The following SNX20 variants were observed in gnomAD, a reference collection of about 807,000 sequenced individuals.
SNX20 encodes the protein sorting nexin-20.
Under a neutral mutation model 24.5 loss-of-function variants are expected in SNX20, and 21 were observed. The observed-to-expected ratio is 0.86, with a 90% CI of 0.61 to 1.23. The LOEUF is 1.23. Ranked by LOEUF, SNX20 falls within the 50% of genes most tolerant of loss-of-function variation. SNX20 has a pLI of 0.00. For synonymous variants in SNX20, 206 were observed against 192.8 expected (o/e 1.07, Z -0.57); for missense variants, 433 against 430.8 (o/e 1.00, Z -0.04).
chr16:50,667,786 G>T (rs1237270133), downstream of SNX20: 1 of 590,504 alleles, frequency 1.7e-6, no homozygotes. Context: ...ATGCTGAGGG[G>T]CCACAGTCTG....
downstream of SNX20, chr16:50,669,137 TG>T: frequency 1.5e-6 from 2 of 1,340,922 alleles, no homozygotes; most frequent in Non-Finnish European, 2.1e-6. Flanking sequence ...CTCCAGGCCT[TG>T]ATTTCCCCAT....
chr16:50,669,354 A>T (rs1962988977), downstream of SNX20: 5 of 545,006 alleles, frequency 9.2e-6, no homozygotes, highest in East Asian at 6.1e-5. Context: ...GGGAAGGGGG[A>T]GTTCGTGACT....
intron 1 of SNX20, among the ~76,000 whole-genome samples, chr16:50,679,110 G>A (rs1963243285): frequency 6.6e-6 from 1 of 152,294 alleles, no homozygotes; most frequent in South Asian, 2.1e-4. Flanking sequence ...CAAGGAAGGT[G>A]CAAATGACCT....
At chr16:50,669,271 G>A (rs1312839254), downstream of SNX20, 1 of 644,992 alleles carries the variant, frequency 1.6e-6, no homozygotes, top group African/African-American at 1.8e-5. Flanking sequence ...TCACAGTTGT[G>A]CAGGTTGTAC....
downstream of SNX20, chr16:50,668,022 G>A: frequency 6.4e-7 from 1 of 1,551,734 alleles, no homozygotes; most frequent in Non-Finnish European, 8.7e-7. Flanking sequence ...ATATCAGGGT[G>A]TGGCGTCAGG....
Position 50,673,382 on chromosome 16 carries a change from G to T in SNX20, c.*24C>A. ...GCCATGGTGACCCCAAATCTCCAGC[G>T]TCCCTGCGGGGTCCCAGGCCGGCTC... On this transcript the variant is annotated 3_prime_UTR_variant, in exon 4 of 4. Transcript: ENST00000330943. This position sits in a 1 kb window ranked among gnomAD's most constrained non-coding sequence, Gnocchi z 4.1. 1 of 1,456,422 alleles carries T rather than the reference G, an allele frequency of 6.9e-7. No individual in the cohort carries two copies. The highest frequency in any genetic ancestry group is 9.1e-7 in the Non-Finnish European group (1 of 1,099,314). The allele number at this position is 1,456,422 out of a possible 1,614,324, so 90.2% of individuals were successfully genotyped here. A position where few individuals can be genotyped will look rare whatever the true frequency, so the allele number is the denominator to read the frequency against.
chr16:50,673,943 C>CACGTCTTCGATCTCCTCCCTGA lies in SNX20; in HGVS notation c.392_413dup (p.Glu139GlnfsTer20), dbSNP rs1963121734. 3 of 1,613,186 alleles carry CACGTCTTCGATCTCCTCCCTGA rather than the reference C, an allele frequency of 1.9e-6. No homozygotes were observed. Among genetic ancestry groups the CACGTCTTCGATCTCCTCCCTGA allele is most frequent in the Non-Finnish European group, 2.5e-6 (3 of 1,179,754 alleles). On this transcript the variant is annotated frameshift_variant, in exon 4 of 4. Coordinates refer to ENST00000330943, the MANE Select transcript of SNX20 (RefSeq NM_182854.4). LOFTEE classifies it high-confidence loss of function. The surrounding 1 kb of genome is among the most constrained non-coding windows in gnomAD (Gnocchi z 4.1). ...CAGTCAGGTGCTTCCTGGGAAACTC[C>CACGTCTTCGATCTCCTCCCTGA]ACGTCTTCGATCTCCTCCCTGAACG...
downstream of SNX20, chr16:50,667,698 G>A (rs1358418661): frequency 3.1e-5 from 12 of 386,958 alleles, no homozygotes; most frequent in East Asian, 4.8e-4. Context: ...CTACCAGCAG[G>A]TGGAACTAGT....
At position 50,673,768 on chromosome 16, in the gene SNX20, G is replaced by T. The variant is rs781674959; in HGVS notation, c.589C>A (p.Arg197=). The T allele has an allele frequency of 1.1e-5, 17 of 1,531,352 alleles. No homozygotes were observed. The highest frequency in any genetic ancestry group is 1.4e-5 in the Non-Finnish European group (16 of 1,146,354). 94.9% of individuals were successfully genotyped at this position (1,531,352 alleles called of 1,614,324 possible). Reference sequence around the variant, plus strand: ...AGGGCGCGCGGGTACTGGCCGGCCCGCAGGCAGCCGAAAGCCTCGCGCAGC... The same window carrying T: ...AGGGCGCGCGGGTACTGGCCGGCCCTCAGGCAGCCGAAAGCCTCGCGCAGC... ...PELREAFGCL[R]AGQYPRALEL... is the part of the protein sequence containing the mutation. The change falls in exon 4 of 4, where the codon CGG becomes AGG. Residue 197 remains arginine (R), a synonymous_variant. Transcript: ENST00000330943. This position sits in a 1 kb window ranked among gnomAD's most constrained non-coding sequence, Gnocchi z 4.1.
In SNX20 at chr16:50,671,860, A is replaced by G. The variant is rs373112538; in HGVS notation, c.*1546T>C. The G allele has an allele frequency of 3.3e-5, 5 of 152,310 alleles. No homozygotes were observed. The highest frequency in any genetic ancestry group is 9.6e-5 in the African/African-American group (4 of 41,564). 9.4% of individuals were successfully genotyped at this position (152,310 alleles called of 1,614,324 possible). ...TTTTACCACAAGGTGTCGCTGTTGA[A>G]CAGATTCTGGTGCAGTCTAGTGCAT... On this transcript the variant is annotated 3_prime_UTR_variant, in exon 4 of 4. Transcript: ENST00000330943.
rs1023503202 is a variant in SNX20, at chr16:50,672,219, T to C, written c.*1187A>G. The C allele has an allele frequency of 1.3e-5, 2 of 152,240 alleles. No individual in the cohort carries two copies. Among genetic ancestry groups the C allele is most frequent in the African/African-American group, 2.4e-5 (1 of 41,444 alleles). The allele number at this position is 152,240 out of a possible 1,614,324, so 9.4% of individuals were successfully genotyped here. ...TCACAGACCCTCAAAAGGGGCAGTG[T>C]TGAGGATTCAGTCTGTTTTCTGCCC... On this transcript the variant is annotated 3_prime_UTR_variant, in exon 4 of 4. Transcript: ENST00000330943.
chr16:50,674,045 C>G lies in SNX20; in HGVS notation c.312G>C (p.Gly104=), dbSNP rs766727766. 6 of 1,607,014 alleles carry G rather than the reference C, an allele frequency of 3.7e-6. No homozygotes were observed. Among genetic ancestry groups the G allele is most frequent in the Middle Eastern group, 1.6e-4 (1 of 6,068 alleles). ...GGACGGCCTTGTTGTTGTCAAAGCT[C>G]CCAGTCTGGATGACGATGATTTGGT... ...VVYQIIVIQT[G]SFDNNKAVLE... Residue 104 remains glycine, a synonymous_variant, in exon 4 of 4, where the codon GGG becomes GGC. Transcript: ENST00000330943.
intron 1 of SNX20, among the ~76,000 whole-genome samples, chr16:50,678,573 A>G (rs1444509745): frequency 6.6e-6 from 1 of 152,228 alleles, no homozygotes; most frequent in Non-Finnish European, 1.5e-5. Context: ...CTTTTATGAT[A>G]AGGGAACTGA....
At position 50,672,427 on chromosome 16, in the gene SNX20, T is replaced by C. The variant is rs1338868213; in HGVS notation, c.*979A>G. 3 of 152,052 alleles carry C rather than the reference T, an allele frequency of 2.0e-5. No individual in the cohort carries two copies. Among genetic ancestry groups the C allele is most frequent in the Non-Finnish European group, 4.4e-5 (3 of 68,056 alleles). 9.4% of individuals were successfully genotyped at this position (152,052 alleles called of 1,614,324 possible). Reference sequence around the variant, plus strand: ...GCCAAAAATGCCTGGTATCACAGAATCTTATGCCATTATTGCTTTCTGGTC... The same window carrying C: ...GCCAAAAATGCCTGGTATCACAGAACCTTATGCCATTATTGCTTTCTGGTC... On this transcript the variant is annotated 3_prime_UTR_variant, in exon 4 of 4. Coordinates refer to ENST00000330943, the MANE Select transcript of SNX20 (RefSeq NM_182854.4).
At chr16:50,667,804 C>A, downstream of SNX20, 1 of 611,810 alleles carries the variant, frequency 1.6e-6, no homozygotes, top group Non-Finnish European at 2.9e-6. Context: ...CTGCCCTGAA[C>A]TGTGCCTCCC....
At position 50,681,262 on chromosome 16, in the gene SNX20, C is replaced by G. The variant is rs1328024100; in HGVS notation, c.-82G>C. On this transcript the variant is annotated 5_prime_UTR_variant, in exon 1 of 4. Coordinates refer to ENST00000330943, the MANE Select transcript of SNX20 (RefSeq NM_182854.4). ...ATATGGCCCCTTCGAGCTCTTGGTT[C>G]TCAGCTCCGGCGACAAGCCGAGGGG... 2.0e-5 allele frequency: 3 copies of G among 152,424 alleles called. No individual in the cohort carries two copies. Among genetic ancestry groups the G allele is most frequent in the African/African-American group, 7.2e-5 (3 of 41,440 alleles). The allele number at this position is 152,424 out of a possible 1,614,324, so 9.4% of individuals were successfully genotyped here. A position where few individuals can be genotyped will look rare whatever the true frequency, so the allele number is the denominator to read the frequency against.
At position 50,673,329 on chromosome 16, in the gene SNX20, A is replaced by G; in HGVS notation, c.*77T>C. The G allele has an allele frequency of 7.2e-7, 1 of 1,391,828 alleles. No individual in the cohort carries two copies. The highest frequency in any genetic ancestry group is 9.4e-7 in the Non-Finnish European group (1 of 1,067,962). The allele number at this position is 1,391,828 out of a possible 1,614,324, so 86.2% of individuals were successfully genotyped here. A position where few individuals can be genotyped will look rare whatever the true frequency, so the allele number is the denominator to read the frequency against. On this transcript the variant is annotated 3_prime_UTR_variant, in exon 4 of 4. Transcript: ENST00000330943. The surrounding 1 kb of genome is among the most constrained non-coding windows in gnomAD (Gnocchi z 4.1). ...ACAAAAAAGAAAAGGAAAAATAAAAAAAAAGAACCCCAAACAGCCCACTGT... is the reference window on the plus strand; with the variant it reads ...ACAAAAAAGAAAAGGAAAAATAAAAGAAAAGAACCCCAAACAGCCCACTGT...
chr16:50,670,853 C>G (rs1043509927), downstream of SNX20: 1 of 152,306 alleles, frequency 6.6e-6, no homozygotes, highest in African/African-American at 2.4e-5. Context: ...GCCAGAAGCA[C>G]GAGGAGGGGC....
At chr16:50,669,723 T>C (rs923531749), downstream of SNX20, 3 of 152,552 alleles carry the variant, frequency 2.0e-5, no homozygotes, top group Admixed American at 6.5e-5. Flanking sequence ...CCTGGTCCAG[T>C]TATTAGCTGT....
Sources: gnomAD v4.1 joint callset for allele counts (sites outside exome capture counted in the v4.1 genomes callset) on GRCh38, gnomAD v4.1.1 for gene constraint, Gnocchi (gnomAD v3.1) non-coding constraint, MANE v1.5 for transcripts, NCBI Gene and HGNC (gene_info 2026-07-23, HGNC 2026-07-21) for gene names.